Variants in ODC1 observed in about 807,000 individuals in gnomAD.
ODC1 encodes ornithine decarboxylase.
ODC1 carries 18 observed loss-of-function variants against 41.5 expected under a neutral mutation model. The observed-to-expected ratio is 0.43, with a 90% CI of 0.30 to 0.64. ODC1 has a LOEUF of 0.64. Ranked by LOEUF, ODC1 falls within the 30% of genes least tolerant of loss-of-function variation. ODC1 has a pLI of 0.11. For missense variants in ODC1, 504 were observed against 589.0 expected (o/e 0.86, Z 1.49); for synonymous variants, 218 against 211.6 (o/e 1.03, Z -0.26).
Position 10,440,713 on chromosome 2 carries a change from C to T in ODC1, c.*11G>A. The stretch of plus-strand genomic sequence containing the variant: ...AGCTAAACTTGCAGTTAACAGCTAC[C>T]AGAGTGCTATCTACACATTAATACT... On this transcript the variant is annotated 3_prime_UTR_variant, in exon 12 of 12. Coordinates refer to ENST00000234111, the MANE Select transcript of ODC1 (RefSeq NM_002539.3). The T allele has an allele frequency of 6.2e-7, 1 of 1,609,780 alleles. No homozygotes were observed. Among genetic ancestry groups the T allele is most frequent in the East Asian group, 2.2e-5 (1 of 44,764 alleles).
In ODC1 at chr2:10,444,487, T is replaced by C; in HGVS notation, c.263A>G (p.Asp88Gly). Residue 88 changes from aspartate (D) to glycine (G), a missense_variant, in exon 4 of 12, where the codon GAC becomes GGC. By Grantham distance (94) the Asp-to-Gly change is moderately conservative. Around this residue, in one of 3 missense-constraint regions of ODC1, gnomAD observed 447 missense variants for 524.4 expected, o/e 0.85. Coordinates refer to ENST00000234111, the MANE Select transcript of ODC1 (RefSeq NM_002539.3). ...GCTATCGCTTACCTTGCTAGCACAG[T>C]CAAATCCTGTCCCGGTAGCAGCAAG... The part of the protein sequence containing the change: ...KTLAATGTGF[D>G]CASKTEIQLV... The C allele has an allele frequency of 6.2e-7, 1 of 1,612,308 alleles. No homozygotes were observed. Among genetic ancestry groups the C allele is most frequent in the Non-Finnish European group, 8.5e-7 (1 of 1,179,402 alleles).
Position 10,448,141 on chromosome 2 carries a change from C to G in ODC1, c.-148G>C, listed in dbSNP as rs1672098412. On this transcript the variant is annotated 5_prime_UTR_variant, in exon 1 of 12. Coordinates refer to ENST00000234111, the MANE Select transcript of ODC1 (RefSeq NM_002539.3). ...CTCACCTCAGAGCGCCCAGGCGCCGCAGGCCAGCCCCATGGGGAAGCGCAG... is the reference window on the plus strand; with the variant it reads ...CTCACCTCAGAGCGCCCAGGCGCCGGAGGCCAGCCCCATGGGGAAGCGCAG... The G allele has an allele frequency of 5.7e-6, 1 of 175,738 alleles. No homozygotes were observed. The highest frequency in any genetic ancestry group is 2.4e-5 in the African/African-American group (1 of 41,848). 10.9% of individuals were successfully genotyped at this position (175,738 alleles called of 1,614,324 possible). A position where few individuals can be genotyped will look rare whatever the true frequency, so the allele number is the denominator to read the frequency against.
In ODC1 at chr2:10,445,045, T is replaced by G; in HGVS notation, c.-13A>C. 1 of 1,563,952 alleles carries G rather than the reference T, an allele frequency of 6.4e-7. No individual in the cohort carries two copies. The highest frequency in any genetic ancestry group is 8.8e-7 in the Non-Finnish European group (1 of 1,134,318). On this transcript the variant is annotated 5_prime_UTR_variant, in exon 3 of 12. Transcript: ENST00000234111. The stretch of plus-strand genomic sequence containing the variant: ...CAAAGTTGTTCATGATTTCTTGATG[T>G]TCCTCTGAAATGCAACAAAATGCAA...
intron 1 of ODC1, among the ~76,000 whole-genome samples, chr2:10,446,132 ATTTTTT>A (rs924969719): frequency 3.0e-5 from 4 of 134,592 alleles, no homozygotes; most frequent in African/African-American, 1.1e-4. Flanking sequence ...AGAATTCAGT[ATTTTTT>A]TTTTTTTTTT....
rs1572150159 is a variant in ODC1, at chr2:10,448,105, C to G, written c.-128+16G>C. Reference sequence around the variant, plus strand: ...CCTCGCTCCCTCCCTTCCTCCGCGGCCGGGGAGTCCCTCACCTCAGAGCGC... The same window carrying G: ...CCTCGCTCCCTCCCTTCCTCCGCGGGCGGGGAGTCCCTCACCTCAGAGCGC... On this transcript the variant is annotated intron_variant, in intron 1 of 11. Transcript: ENST00000234111. The G allele has an allele frequency of 6.0e-6, 1 of 166,222 alleles. No homozygotes were observed. The allele number at this position is 166,222 out of a possible 1,614,324, so 10.3% of individuals were successfully genotyped here. A position where few individuals can be genotyped will look rare whatever the true frequency, so the allele number is the denominator to read the frequency against.
intron 1 of ODC1, among the ~76,000 whole-genome samples, chr2:10,445,500 T>C (rs1230772095): frequency 6.6e-6 from 1 of 152,182 alleles, no homozygotes; most frequent in Non-Finnish European, 1.5e-5. Context: ...TTTCAAATAT[T>C]TGTACCAAAA....
intron 8 of ODC1, 96 bp downstream of exon 8, chr2:10,443,134 C>T: frequency 2.2e-6 from 2 of 894,404 alleles, no homozygotes; most frequent in Non-Finnish European, 3.7e-6. Context: ...CACTTCAGCC[C>T]ATTGTGGTAT....
Position 10,443,708 on chromosome 2 carries a change from CCAA to C in ODC1, c.575_577del (p.Val192del). 1 of 1,614,084 alleles carries C rather than the reference CCAA, an allele frequency of 6.2e-7. No individual in the cohort carries two copies. The highest frequency in any genetic ancestry group is 8.5e-7 in the Non-Finnish European group (1 of 1,179,924). On this transcript the variant is annotated inframe_deletion, in exon 6 of 12. Coordinates refer to ENST00000234111, the MANE Select transcript of ODC1 (RefSeq NM_002539.3). Reference sequence around the variant, plus strand: ...TATCCCACCAAAATCTCACCTGACACCAACAACATCGATATTTAGCTCTTTCGC... The same window carrying C: ...TATCCCACCAAAATCTCACCTGACACCAACATCGATATTTAGCTCTTTCGC...
At chr2:10,446,833 T>C in intron 1 of ODC1, 1 of 311,282 alleles carries the variant, frequency 3.2e-6, no homozygotes, top group Non-Finnish European at 6.2e-6. Flanking sequence ...GGGCCTGTCA[T>C]AAATCCAAAC....
Position 10,444,534 on chromosome 2 carries a change from A to G in ODC1, c.216T>C (p.Asp72=), listed in dbSNP as rs1671946645. The part of the protein sequence containing the change: ...VTPFYAVKCN[D]SKAIVKTLAA... Reference sequence around the variant, plus strand: ...CAAGGGTCTTCACGATGGCTTTGCTATCATTACATTTGACTGCATAAAAGG... The same window carrying G: ...CAAGGGTCTTCACGATGGCTTTGCTGTCATTACATTTGACTGCATAAAAGG... Residue 72 remains aspartate, a synonymous_variant, in exon 4 of 12, where the codon GAT becomes GAC. Coordinates refer to ENST00000234111, the MANE Select transcript of ODC1 (RefSeq NM_002539.3). 4.3e-6 allele frequency: 7 copies of G among 1,613,938 alleles called. No individual in the cohort carries two copies. The highest frequency in any genetic ancestry group is 8.5e-7 in the Non-Finnish European group (1 of 1,180,002).
At chr2:10,440,988 T>C in intron 11 of ODC1, 120 bp from the exon 12 acceptor site, 2 of 1,121,746 alleles carry the variant, frequency 1.8e-6, no homozygotes, top group Non-Finnish European at 1.2e-6. Context: ...ACAGGGTCTT[T>C]CTCTGTTACT....
At chr2:10,441,388 GAAAAATATCCATAT>G in intron 11 of ODC1, 107 bp downstream of exon 11, 1 of 1,046,320 alleles carries the variant, frequency 9.6e-7, no homozygotes, top group Non-Finnish European at 1.4e-6. Context: ...CTTTTCTTAG[GAAAAATATCCATAT>G]ATATTTAATC....
chr2:10,443,587 G>A lies in ODC1; in HGVS notation c.585-16C>T. Reference sequence around the variant, plus strand: ...TACATGGAAGCTGGGGTAAAATAAAGAGACGAGACACTGTGTCTTAGTATT... The same window carrying A: ...TACATGGAAGCTGGGGTAAAATAAAAAGACGAGACACTGTGTCTTAGTATT... On this transcript the variant is annotated splice_polypyrimidine_tract_variant and intron_variant, in intron 6 of 11. Transcript: ENST00000234111. 1 of 1,612,030 alleles carries A rather than the reference G, an allele frequency of 6.2e-7. No individual in the cohort carries two copies.
At position 10,445,177 on chromosome 2, in the gene ODC1, T is replaced by C. The variant is rs11538365; in HGVS notation, c.-40A>G. ...TACATGGAAAACTAAGAGATGGAAT[T>C]GAAAGAAATATTTCCAGCTTCTCAC... On this transcript the variant is annotated 5_prime_UTR_variant, in exon 2 of 12. Coordinates refer to ENST00000234111, the MANE Select transcript of ODC1 (RefSeq NM_002539.3). 0.033 allele frequency: 19,316 copies of C among 588,374 alleles called. 437 individuals carry two copies. Among genetic ancestry groups the C allele is most frequent in the Middle Eastern group, 0.057 (141 of 2,478 alleles). The allele number at this position is 588,374 out of a possible 1,614,324, so 36.4% of individuals were successfully genotyped here.
intron 1 of ODC1, chr2:10,446,664 A>G (rs7608353): frequency 0.1 from 34,119 of 330,504 alleles, 2,100 homozygotes; most frequent in East Asian, 0.21. Flanking sequence ...TCTTAAAATT[A>G]TTTATTTTAA....
chr2:10,443,638 A>T, intron 6 of ODC1, 64 bp downstream of exon 6: 1 of 1,607,634 alleles, frequency 6.2e-7, no homozygotes, highest in Non-Finnish European at 8.5e-7. Flanking sequence ...AAACACTAGG[A>T]GAAAGCCTGT....
At position 10,443,532 on chromosome 2, in the gene ODC1, G is replaced by A. The variant is rs1173655697; in HGVS notation, c.624C>T (p.Phe208=). 4 of 1,614,026 alleles carry A rather than the reference G, an allele frequency of 2.5e-6. No individual in the cohort carries two copies. Among genetic ancestry groups the A allele is most frequent in the East Asian group, 2.2e-5 (1 of 44,892 alleles). ...AGCGGGCATCAGAGATTGCCTGCAC[G>A]AAGGTCTCAGGATCGGTACAGCCGC... ...VGSGCTDPET[F]VQAISDARCV... Residue 208 remains phenylalanine (F), a synonymous_variant, in exon 7 of 12, where the codon TTC becomes TTT. Transcript: ENST00000234111.
At chr2:10,446,844 C>T (rs1672032312) in intron 1 of ODC1, 1 of 267,412 alleles carries the variant, frequency 3.7e-6, no homozygotes, top group African/African-American at 2.3e-5. Context: ...AAATCCAAAC[C>T]CATGCATAGA....
chr2:10,448,292 CGGG>C lies in ODC1; in HGVS notation c.-302_-300del. ...GCCGGAGCTGCTGGCAGAGGGGCGGCGGGCGGCGGCGGCGGCGGCTACAGGAGG... is the reference window on the plus strand; with the variant it reads ...GCCGGAGCTGCTGGCAGAGGGGCGGCCGGCGGCGGCGGCGGCTACAGGAGG... On this transcript the variant is annotated 5_prime_UTR_variant, in exon 1 of 12. Transcript: ENST00000234111. The C allele has an allele frequency of 4.1e-6, 1 of 246,062 alleles. No individual in the cohort carries two copies. The highest frequency in any genetic ancestry group is 7.8e-6 in the Non-Finnish European group (1 of 128,914). 15.2% of individuals were successfully genotyped at this position (246,062 alleles called of 1,614,324 possible).
Sources: allele counts gnomAD v4.1 joint callset (sites outside exome capture counted in the v4.1 genomes callset), GRCh38; gene constraint gnomAD v4.1.1; regional missense constraint gnomAD v4.1.1; transcripts MANE v1.5; gene names NCBI Gene and HGNC (gene_info 2026-07-23, HGNC 2026-07-21).